Variants in LRBA observed in about 807,000 individuals in gnomAD.
LRBA encodes lipopolysaccharide-responsive and beige-like anchor protein.
LRBA carries 176 observed loss-of-function variants against 330.0 expected under a neutral mutation model. The observed-to-expected ratio is 0.53, with a 90% CI of 0.47 to 0.60. LRBA has a LOEUF of 0.60. LRBA is among the 20% of genes least tolerant of loss of function. The pLI is 0.00. For missense variants in LRBA, 3,259 were observed against 3,444.8 expected, an observed-to-expected ratio of 0.95 and a Z score of 1.35; for synonymous variants, 1,230 against 1,193.0, an observed-to-expected ratio of 1.03 and a Z score of -0.64.
At chr4:150,890,162 T>C (rs1729320937) in intron 17 of LRBA, among the ~76,000 whole-genome samples, 1 of 152,072 alleles carries the variant, frequency 6.6e-6, no homozygotes, top group Non-Finnish European at 1.5e-5. Flanking sequence ...ATGAAGTAGA[T>C]GAGGCTGTCA....
chr4:150,816,974 A>T, intron 31 of LRBA, 150 bp downstream of exon 31: 1 of 646,354 alleles, frequency 1.5e-6, no homozygotes, highest in Non-Finnish European at 2.6e-6. Context: ...ATTTTACTCA[A>T]ATTTATTCAG....
chr4:150,988,152 T>C (rs1269060578), intron 2 of LRBA, among the ~76,000 whole-genome samples: 2 of 152,222 alleles, frequency 1.3e-5, no homozygotes, highest in South Asian at 2.1e-4. Context: ...TATAAACCCA[T>C]GGTGACCTCA....
chr4:150,813,432 A>G (rs1248198508), intron 31 of LRBA, among the ~76,000 whole-genome samples: 1 of 152,096 alleles, frequency 6.6e-6, no homozygotes, highest in Non-Finnish European at 1.5e-5. Context: ...GCTAAGGTAT[A>G]CTATTCAAAT....
chr4:150,339,844 CTTT>C (rs33987955), intron 48 of LRBA, among the ~76,000 whole-genome samples: 6 of 137,042 alleles, frequency 4.4e-5, no homozygotes, highest in African/African-American at 2.7e-5. Flanking sequence ...GCTCCTTTTC[CTTT>C]TTTTTTTTTT....
intron 55 of LRBA, 32 bp downstream of exon 55, chr4:150,282,415 AGTC>A (rs1560958345): frequency 6.3e-7 from 1 of 1,581,480 alleles, no homozygotes; most frequent in East Asian, 2.2e-5. Context: ...TTGAGGTAAA[AGTC>A]GTGAATGCTG....
chr4:150,271,326 T>TC (rs1746063206), intron 56 of LRBA, among the ~76,000 whole-genome samples: 1 of 151,698 alleles, frequency 6.6e-6, no homozygotes, highest in Non-Finnish European at 1.5e-5. Flanking sequence ...TTTTTTTTTT[T>TC]TTCATACCCC....
chr4:150,476,450 C>T (rs1363966918), intron 42 of LRBA, among the ~76,000 whole-genome samples: 2 of 152,068 alleles, frequency 1.3e-5, no homozygotes, highest in Non-Finnish European at 2.9e-5. Flanking sequence ...CCCAGGCACT[C>T]TCTAGGTTCT....
chr4:150,863,978 T>C (rs533277350), intron 22 of LRBA, among the ~76,000 whole-genome samples: 1 of 152,234 alleles, frequency 6.6e-6, no homozygotes, highest in South Asian at 2.1e-4. Context: ...TCTCGCTCTG[T>C]TGCAGGCTGG....
chr4:150,536,054 C>T (rs1764622905), intron 40 of LRBA, among the ~76,000 whole-genome samples: 1 of 152,118 alleles, frequency 6.6e-6, no homozygotes, highest in African/African-American at 2.4e-5. Flanking sequence ...TAAATAACTA[C>T]TATAAGCAAG....
intron 12 of LRBA, 109 bp from the exon 13 acceptor site, chr4:150,906,099 A>C (rs1731308165): frequency 2.0e-5 from 19 of 950,158 alleles, no homozygotes; most frequent in Non-Finnish European, 2.9e-5. Context: ...CTCAAAGTTA[A>C]AGATGCCATG....
intron 40 of LRBA, chr4:150,579,325 T>TGAA (rs1489219634): frequency 2.2e-6 from 1 of 446,668 alleles, no homozygotes; most frequent in Admixed American, 2.5e-5. Flanking sequence ...AAGGCGCAGC[T>TGAA]GAAGCTGCTC....
intron 34 of LRBA, among the ~76,000 whole-genome samples, chr4:150,792,695 T>C (rs1038096830): frequency 2.6e-5 from 4 of 152,080 alleles, no homozygotes; most frequent in South Asian, 2.1e-4. Flanking sequence ...TTGGTAGAGA[T>C]AGGGTCTTGC....
chr4:150,489,597 G>GAATATATAATATATAAC (rs1758605089), intron 41 of LRBA, among the ~76,000 whole-genome samples: 1 of 54,670 alleles, frequency 1.8e-5, no homozygotes, highest in Admixed American at 2.6e-4. Flanking sequence ...TATTATATAA[G>GAATATATAATATATAAC]AATATATAAT....
chr4:150,798,176 AAAG>A, intron 33 of LRBA, 34 bp from the exon 34 acceptor site: 1 of 1,348,642 alleles, frequency 7.4e-7, no homozygotes, highest in South Asian at 1.2e-5. Context: ...AAGAAGTTAT[AAAG>A]AAAACAAATG....
chr4:150,783,096 CTGA>C (rs1222529077), intron 34 of LRBA, among the ~76,000 whole-genome samples: 1 of 152,160 alleles, frequency 6.6e-6, no homozygotes, highest in Non-Finnish European at 1.5e-5. Flanking sequence ...TTGTGACAAG[CTGA>C]TATCACACCG....
In LRBA at chr4:150,285,970, C is replaced by A; in HGVS notation, c.8082G>T (p.Val2694=). ...TCAACACCAGGCCTAGCTCCGCACA[C>A]ACCGCAGCACATGTGACCTCATAGT... ...GHDYEVTCAA[V]CAELGLVLSG... is the part of the protein sequence containing the mutation. Residue 2694 remains valine (V), a synonymous_variant, in exon 54 of 57, where the codon GTG becomes GTT. Transcript: ENST00000651943. The A allele has an allele frequency of 6.3e-7, 1 of 1,598,610 alleles. No individual in the cohort carries two copies. Among genetic ancestry groups the A allele is most frequent in the Non-Finnish European group, 8.5e-7 (1 of 1,173,128 alleles).
intron 2 of LRBA, among the ~76,000 whole-genome samples, chr4:151,000,605 G>A (rs914333445): frequency 1.3e-5 from 2 of 152,286 alleles, no homozygotes; most frequent in East Asian, 1.9e-4. Flanking sequence ...GCATGGATAC[G>A]CTGGACAAAG....
chr4:150,923,964 T>C (rs1372797585), intron 4 of LRBA, among the ~76,000 whole-genome samples: 4 of 152,188 alleles, frequency 2.6e-5, no homozygotes, highest in African/African-American at 9.7e-5. Flanking sequence ...ACTGCTCAAT[T>C]GTAAAAGCAT....
At chr4:150,922,980 T>C (rs1487614152) in intron 4 of LRBA, among the ~76,000 whole-genome samples, 1 of 152,106 alleles carries the variant, frequency 6.6e-6, no homozygotes, top group Non-Finnish European at 1.5e-5. Context: ...CCAGAGTCCA[T>C]GCTTTTAAAC....
Sources: gnomAD v4.1 joint callset for allele counts (sites outside exome capture counted in the v4.1 genomes callset) on GRCh38, gnomAD v4.1.1 for gene constraint, MANE v1.5 for transcripts, NCBI Gene and HGNC (gene_info 2026-07-23, HGNC 2026-07-21) for gene names.